Variants in CARS1 observed in about 807,000 individuals in gnomAD.
The protein encoded by CARS1 is cysteine--tRNA ligase, cytoplasmic.
Under a neutral mutation model 106.2 loss-of-function variants are expected in CARS1, and 48 were observed. The ratio of observed to expected loss-of-function variants is 0.45; its 90% confidence interval spans 0.36 to 0.57. The LOEUF (loss-of-function observed/expected upper bound fraction) is 0.57. Ranked by LOEUF, CARS1 falls within the 20% of genes least tolerant of loss-of-function variation. The pLI is 0.00. For synonymous variants in CARS1, 409 were observed against 403.4 expected, an observed-to-expected ratio of 1.01 and a Z score of -0.17; for missense variants, 968 against 1,057.2, an observed-to-expected ratio of 0.92 and a Z score of 1.17.
At chr11:3,002,675 C>A in intron 20 of CARS1, 75 bp from the exon 21 acceptor site, 2 of 1,597,092 alleles carry the variant, frequency 1.3e-6, no homozygotes, top group Non-Finnish European at 1.7e-6. Flanking sequence ...AGAGGTCTAG[C>A]CAAACAAGCC....
At chr11:3,032,834 A>G (rs929962923) in intron 7 of CARS1, among the ~76,000 whole-genome samples, 1 of 150,880 alleles carries the variant, frequency 6.6e-6, no homozygotes, top group African/African-American at 2.4e-5. Flanking sequence ...TGGATACGAG[A>G]TAGTATTTGT....
rs1240406920 is a variant in CARS1 at position 3,053,087 on chromosome 11, G to A, written c.25+4256C>T. Reference sequence around the variant, plus strand: ...TATTGAAATCACATGCAAGTACCAAGCAATTGCTCAGCACAGATACCAAAA... The same window carrying A: ...TATTGAAATCACATGCAAGTACCAAACAATTGCTCAGCACAGATACCAAAA... On this transcript the variant is annotated intron_variant, in intron 1 of 22. Transcript: ENST00000380525. The surrounding 1 kb of genome is among the most constrained non-coding windows in gnomAD (Gnocchi z 6.6). Among the ~76,000 whole-genome samples, 2 of 152,198 alleles carry A rather than the reference G, an allele frequency of 1.3e-5. No homozygotes were observed. Among genetic ancestry groups the A allele is most frequent in the Non-Finnish European group, 1.5e-5 (1 of 68,048 alleles).
chr11:3,043,298 C>T lies in CARS1; in HGVS notation c.275-1042G>A, dbSNP rs974812591. Among the ~76,000 whole-genome samples, 1 of 152,076 alleles carries T rather than the reference C, an allele frequency of 6.6e-6. No homozygotes were observed. The highest frequency in any genetic ancestry group is 2.4e-5 in the African/African-American group (1 of 41,410). ...GGGGCAGCCACAGGGTGATTATTCA[C>T]CCTCTGAAACGTCAATCTGGCAAAG... On this transcript the variant is annotated intron_variant, in intron 2 of 22. Transcript: ENST00000380525. The surrounding 1 kb of genome is among the most constrained non-coding windows in gnomAD (Gnocchi z 4.0).
At position 3,030,647 on chromosome 11, in the gene CARS1, G is replaced by A. The variant is rs2134202045; in HGVS notation, c.802-1204C>T. On this transcript the variant is annotated intron_variant, in intron 7 of 22. Transcript: ENST00000380525. This position sits in a 1 kb window ranked among gnomAD's most constrained non-coding sequence, Gnocchi z 5.7. ...AGAACATGAGCAACTGTGAATGGGA[G>A]TCAGCAGAAACGACAAACAGATGGA... 6.6e-6 allele frequency: 1 copy of A among 152,384 alleles called. No homozygotes were observed. The allele number at this position is 152,384 out of a possible 1,614,324, so 9.4% of individuals were successfully genotyped here.
rs1215848787 is a variant in CARS1 at position 3,034,918 on chromosome 11, T to G, written c.801+3132A>C. Among the ~76,000 whole-genome samples the G allele has an allele frequency of 6.6e-6, 1 of 152,194 alleles. No individual in the cohort carries two copies. The highest frequency in any genetic ancestry group is 2.4e-5 in the African/African-American group (1 of 41,450). ...CAAGGTCAAGGGGCCACATCTGTTC[T>G]GGGCCTTCTTGCTGGTGGGGACTTT... On this transcript the variant is annotated intron_variant, in intron 7 of 22. Transcript: ENST00000380525. The surrounding 1 kb of genome is among the most constrained non-coding windows in gnomAD (Gnocchi z 6.3).
At chr11:3,042,988 T>C (rs1295759168) in intron 2 of CARS1, among the ~76,000 whole-genome samples, 1 of 152,156 alleles carries the variant, frequency 6.6e-6, no homozygotes, top group African/African-American at 2.4e-5. Context: ...CAGCAGACTC[T>C]GATCCAGACA....
rs778685115 is a variant in CARS1, at chr11:3,003,674, C to T, written c.2218-1074G>A. 1.3e-5 allele frequency among the ~76,000 whole-genome samples: 2 copies of T among 151,918 alleles called. No individual in the cohort carries two copies. Among genetic ancestry groups the T allele is most frequent in the Admixed American group, 6.6e-5 (1 of 15,266 alleles). Reference sequence around the variant, plus strand: ...TAGATGGAGGGAGAGCAGGGCTGGCCGAGGGAAAGGGGCTGAGGTGGGGGA... The same window carrying T: ...TAGATGGAGGGAGAGCAGGGCTGGCTGAGGGAAAGGGGCTGAGGTGGGGGA... On this transcript the variant is annotated intron_variant, in intron 20 of 22. Transcript: ENST00000380525. This position sits in a 1 kb window ranked among gnomAD's most constrained non-coding sequence, Gnocchi z 4.8.
intron 17 of CARS1, among the ~76,000 whole-genome samples, chr11:3,013,280 G>A (rs768638371): frequency 2.0e-5 from 3 of 151,990 alleles, no homozygotes; most frequent in Non-Finnish European, 4.4e-5. Context: ...AGCCTCCCGC[G>A]TAGCTGGGAT....
At position 3,037,701 on chromosome 11, in the gene CARS1, G is replaced by T. The variant is rs1853848740; in HGVS notation, c.801+349C>A. 6.6e-6 allele frequency among the ~76,000 whole-genome samples: 1 copy of T among 152,146 alleles called. No homozygotes were observed. The highest frequency in any genetic ancestry group is 1.5e-5 in the Non-Finnish European group (1 of 68,014). The stretch of plus-strand genomic sequence containing the variant: ...CTGCTCCTCCTTCTCCAGCTGGTGT[G>T]GGGAGAGTCCGCTGGAGAATCTTGG... On this transcript the variant is annotated intron_variant, in intron 7 of 22. Coordinates refer to ENST00000380525, the MANE Select transcript of CARS1 (RefSeq NM_001014437.3). This position sits in a 1 kb window ranked among gnomAD's most constrained non-coding sequence, Gnocchi z 5.9.
rs147015347 is a variant in CARS1, at chr11:3,015,901, T to C, written c.1918-52A>G. ...AAGCTGCGGCAAGATGAAGGCGGCA[T>C]GTGGCGAGCAGCTGTGAGCTGTGTT... On this transcript the variant is annotated intron_variant, in intron 16 of 22. Coordinates refer to ENST00000380525, the MANE Select transcript of CARS1 (RefSeq NM_001014437.3). 2.1e-4 allele frequency: 314 copies of C among 1,475,276 alleles called. 3 individuals are homozygous for C. In the East Asian group the frequency reaches 5.7e-3, roughly 27 times the overall value. 91.4% of individuals were successfully genotyped at this position (1,475,276 alleles called of 1,614,324 possible).
intron 21 of CARS1, 68 bp downstream of exon 21, chr11:3,002,473 C>T: frequency 1.2e-6 from 2 of 1,600,206 alleles, no homozygotes; most frequent in South Asian, 1.1e-5. Context: ...GCACAGAGAG[C>T]CACAGGGCAT....
chr11:3,019,911 G>A lies in CARS1; in HGVS notation c.1266+309C>T, dbSNP rs1356257948. Among the ~76,000 whole-genome samples, 1 of 152,088 alleles carries A rather than the reference G, an allele frequency of 6.6e-6. No homozygotes were observed. Among genetic ancestry groups the A allele is most frequent in the African/African-American group, 2.4e-5 (1 of 41,408 alleles). On this transcript the variant is annotated intron_variant, in intron 11 of 22. Coordinates refer to ENST00000380525, the MANE Select transcript of CARS1 (RefSeq NM_001014437.3). This position sits in a 1 kb window ranked among gnomAD's most constrained non-coding sequence, Gnocchi z 6.2. ...AGATCAGAACGCATCCTACACCCTG[G>A]GGCCTGGAATACTCAGAGTCACAGA...
chr11:3,025,788 A>G (rs1418248387), intron 10 of CARS1, among the ~76,000 whole-genome samples: 1 of 152,234 alleles, frequency 6.6e-6, no homozygotes, highest in African/African-American at 2.4e-5. Context: ...CCTGGTCTAG[A>G]AAAAGTCTGA....
intron 21 of CARS1, 186 bp downstream of exon 21, chr11:3,002,355 C>T (rs1159885307): frequency 8.7e-7 from 1 of 1,147,934 alleles, no homozygotes; most frequent in East Asian, 2.4e-5. Flanking sequence ...TTGGCCAGGC[C>T]TTCCCTGCAC....
At chr11:3,016,356 A>G (rs547209934) in intron 16 of CARS1, among the ~76,000 whole-genome samples, 52 of 151,812 alleles carry the variant, frequency 3.4e-4, no homozygotes, top group Middle Eastern at 6.8e-3. Context: ...GAGTAGCTGG[A>G]ACTACAGGAA....
At chr11:3,011,470 C>T (rs1850447287) in intron 18 of CARS1, among the ~76,000 whole-genome samples, 1 of 151,620 alleles carries the variant, frequency 6.6e-6, no homozygotes, top group Admixed American at 6.6e-5. Context: ...AAAAATTAGC[C>T]GGGCGCGGTG....
rs1853972851 is a variant in CARS1 at position 3,038,421 on chromosome 11, C to T, written c.652-222G>A. Among the ~76,000 whole-genome samples, 1 of 152,172 alleles carries T rather than the reference C, an allele frequency of 6.6e-6. No homozygotes were observed. Among genetic ancestry groups the T allele is most frequent in the Admixed American group, 6.5e-5 (1 of 15,276 alleles). ...CTCTCACGTGTGACCCTGGACAGGG[C>T]ACCTAACCTCTCTGTGCCTCAGTTT... On this transcript the variant is annotated intron_variant, in intron 6 of 22. Coordinates refer to ENST00000380525, the MANE Select transcript of CARS1 (RefSeq NM_001014437.3). The surrounding 1 kb of genome is among the most constrained non-coding windows in gnomAD (Gnocchi z 4.0).
intron 22 of CARS1, among the ~76,000 whole-genome samples, chr11:3,001,484 G>A (rs1259136986): frequency 6.6e-6 from 1 of 152,170 alleles, no homozygotes; most frequent in Non-Finnish European, 1.5e-5. Flanking sequence ...CCTGCCTAAG[G>A]TGAGGGGCAC....
At chr11:3,031,648 C>T (rs938160314) in intron 7 of CARS1, 1 of 152,194 alleles carries the variant, frequency 6.6e-6, no homozygotes, top group African/African-American at 2.4e-5. Flanking sequence ...TAGGGCAAAC[C>T]ACTGCCCCCT....
Sources: gnomAD v4.1 joint callset for allele counts (sites outside exome capture counted in the v4.1 genomes callset) on GRCh38, gnomAD v4.1.1 for gene constraint, Gnocchi (gnomAD v3.1) non-coding constraint, MANE v1.5 for transcripts, NCBI Gene and HGNC (gene_info 2026-07-23, HGNC 2026-07-21) for gene names.